Variants in NFIA observed in about 807,000 individuals in gnomAD.
NFIA encodes nuclear factor I A.
Under a neutral mutation model 62.8 loss-of-function variants are expected in NFIA, and 8 were observed. The observed-to-expected ratio is 0.13, with a 90% confidence interval of 0.07 to 0.23. The LOEUF (loss-of-function observed/expected upper bound fraction) is 0.23. NFIA is among the 10% of genes least tolerant of loss of function. The pLI, the probability that NFIA is intolerant of heterozygous loss-of-function variation, is 1.00. For synonymous variants in NFIA, 235 were observed against 238.1 expected (o/e 0.99, Z 0.12); for missense variants, 410 against 642.1 (o/e 0.64, Z 3.91).
At chr1:61,147,604 G>A (rs10493303) in intron 2 of NFIA, among the ~76,000 whole-genome samples, 2,246 of 152,214 alleles carry the variant, frequency 0.015, 22 homozygotes, top group Non-Finnish European at 0.022. Flanking sequence ...GGAAAAATAC[G>A]GTCATTGTTG....
intron 6 of NFIA, among the ~76,000 whole-genome samples, chr1:61,369,664 G>T (rs997431938): frequency 1.3e-5 from 2 of 151,994 alleles, no homozygotes; most frequent in African/African-American, 4.8e-5. Flanking sequence ...ATATTGGCTT[G>T]TATTTTGTCA....
intron 2 of NFIA, among the ~76,000 whole-genome samples, chr1:61,156,132 C>T (rs1461722766): frequency 6.6e-6 from 1 of 152,082 alleles, no homozygotes; most frequent in Non-Finnish European, 1.5e-5. Context: ...AGACTGTCTC[C>T]AAAATAAAAA....
At chr1:61,454,574 C>A (rs1054213644) in intron 10 of NFIA, among the ~76,000 whole-genome samples, 12 of 152,152 alleles carry the variant, frequency 7.9e-5, no homozygotes, top group Non-Finnish European at 8.8e-5. Context: ...AAATCTTGAT[C>A]CTACTTAGTT....
intron 4 of NFIA, among the ~76,000 whole-genome samples, chr1:61,345,849 A>C (rs887258174): frequency 6.6e-6 from 1 of 152,186 alleles, no homozygotes; most frequent in African/African-American, 2.4e-5. Context: ...GGTGAGGAGT[A>C]AGTGGGATGA....
chr1:61,240,970 GTT>G (rs561327612), intron 2 of NFIA, among the ~76,000 whole-genome samples: 2 of 138,470 alleles, frequency 1.4e-5, no homozygotes. Flanking sequence ...TTTGGGGTTT[GTT>G]TTTTTTTTTT....
chr1:61,080,861 T>C (rs763689512), upstream of NFIA, among the ~76,000 whole-genome samples: 1 of 152,202 alleles, frequency 6.6e-6, no homozygotes, highest in Non-Finnish European at 1.5e-5. Context: ...TTTAGACAGA[T>C]GCAGAATTAT....
rs114337860 is a variant in NFIA, at chr1:61,303,985, G to T, written c.625+26400G>T. Among the ~76,000 whole-genome samples the T allele has an allele frequency of 6.4e-3, 979 of 152,214 alleles. 12 individuals are homozygous for T. Among genetic ancestry groups the T allele is most frequent in the African/African-American group, 0.022 (917 of 41,538 alleles). Reference sequence around the variant, plus strand: ...ATAGTAATCAAAATAAGAGATCAGGGTGACATTGGCCGGGCGCGGTGGCTC... The same window carrying T: ...ATAGTAATCAAAATAAGAGATCAGGTTGACATTGGCCGGGCGCGGTGGCTC... On this transcript the variant is annotated intron_variant, in intron 3 of 10. Coordinates refer to ENST00000403491, the MANE Select transcript of NFIA (RefSeq NM_001134673.4).
intron 6 of NFIA, among the ~76,000 whole-genome samples, chr1:61,360,853 G>A (rs186709069): frequency 8.4e-4 from 128 of 152,250 alleles, no homozygotes; most frequent in African/African-American, 2.5e-3. Flanking sequence ...GCCCATTGGC[G>A]GTGTCTTTTA....
At chr1:61,448,139 C>T (rs1157194722) in intron 10 of NFIA, among the ~76,000 whole-genome samples, 2 of 152,074 alleles carry the variant, frequency 1.3e-5, no homozygotes, top group African/African-American at 4.8e-5. Context: ...CACTTGGTTG[C>T]CTGACTACCC....
intron 3 of NFIA, among the ~76,000 whole-genome samples, chr1:61,307,633 CTG>C (rs1570552354): frequency 6.6e-6 from 1 of 152,318 alleles, no homozygotes; most frequent in Admixed American, 6.5e-5. Flanking sequence ...CCACATATGA[CTG>C]TGCTTCTGTT....
intron 4 of NFIA, among the ~76,000 whole-genome samples, chr1:61,345,142 A>G (rs1033466504): frequency 1.2e-4 from 19 of 152,198 alleles, no homozygotes; most frequent in African/African-American, 2.4e-5. Flanking sequence ...TGAAGAGACC[A>G]TTTCCAAAAG....
At chr1:61,185,026 A>G (rs985347041) in intron 2 of NFIA, among the ~76,000 whole-genome samples, 4 of 152,246 alleles carry the variant, frequency 2.6e-5, no homozygotes, top group Admixed American at 2.0e-4. Flanking sequence ...TGTGAGATTT[A>G]AACACTTTTA....
chr1:61,251,625 A>G (rs1656045398), intron 2 of NFIA, among the ~76,000 whole-genome samples: 1 of 152,158 alleles, frequency 6.6e-6, no homozygotes, highest in Non-Finnish European at 1.5e-5. Context: ...TCACGTGAAA[A>G]CTGATAGTTA....
intron 2 of NFIA, among the ~76,000 whole-genome samples, chr1:61,149,381 C>G (rs1292692401): frequency 2.6e-5 from 4 of 152,190 alleles, no homozygotes; most frequent in African/African-American, 4.8e-5. Flanking sequence ...TTTTGGCCTT[C>G]ATAGCTCTAG....
intron 9 of NFIA, among the ~76,000 whole-genome samples, chr1:61,413,314 A>G (rs1305737511): frequency 6.6e-6 from 1 of 152,194 alleles, no homozygotes; most frequent in Non-Finnish European, 1.5e-5. Flanking sequence ...TCGTATAATA[A>G]TTAACATGTG....
chr1:61,103,401 G>A (rs932784892), intron 2 of NFIA, among the ~76,000 whole-genome samples: 2 of 152,158 alleles, frequency 1.3e-5, no homozygotes, highest in African/African-American at 4.8e-5. Context: ...CCCAAGGTTA[G>A]GCTAAGGACT....
intron 7 of NFIA, among the ~76,000 whole-genome samples, chr1:61,398,063 C>T (rs997162021): frequency 6.6e-6 from 1 of 152,190 alleles, no homozygotes; most frequent in Non-Finnish European, 1.5e-5. Flanking sequence ...TGGGTCTACA[C>T]CAGGGACTGG....
At chr1:61,198,025 C>T (rs1251092670) in intron 2 of NFIA, among the ~76,000 whole-genome samples, 3 of 151,974 alleles carry the variant, frequency 2.0e-5, no homozygotes, top group South Asian at 4.2e-4. Context: ...AGAGAAAGAA[C>T]GAACAGACAT....
At chr1:61,252,655 C>T (rs1030929422) in intron 2 of NFIA, among the ~76,000 whole-genome samples, 1 of 152,106 alleles carries the variant, frequency 6.6e-6, no homozygotes, top group Admixed American at 6.5e-5. Flanking sequence ...ATTATAGATA[C>T]GCATTATATA....
Sources: gnomAD v4.1 joint callset for allele counts (sites outside exome capture counted in the v4.1 genomes callset) on GRCh38, gnomAD v4.1.1 for gene constraint, MANE v1.5 for transcripts, NCBI Gene and HGNC (gene_info 2026-07-23, HGNC 2026-07-21) for gene names.